AGO2: variants seen among roughly 807,000 people sequenced by gnomAD.
AGO2 encodes protein argonaute-2.
In AGO2, 5 loss-of-function variants were observed where a neutral mutation model predicts 102.3. That is an observed-to-expected ratio of 0.05 (90% CI 0.03 to 0.10). The LOEUF (loss-of-function observed/expected upper bound fraction) is 0.10, where lower values mean the gene tolerates loss of function less well. Among genes scored for constraint, AGO2 ranks in the 10% least tolerant of loss-of-function variants. AGO2 has a pLI of 1.00. For missense variants in AGO2, 541 were observed against 1,183.7 expected (o/e 0.46, Z 7.97); for synonymous variants, 449 against 473.1 (o/e 0.95, Z 0.66).
At chr8:140,555,079 T>A (rs572529585) in intron 10 of AGO2, among the ~76,000 whole-genome samples, 1 of 152,278 alleles carries the variant, frequency 6.6e-6, no homozygotes, top group South Asian at 2.1e-4. Context: ...TAAAATTCCA[T>A]TAGGTAGAAA....
intron 14 of AGO2, 113 bp downstream of exon 14, chr8:140,544,100 A>T: frequency 8.5e-7 from 1 of 1,171,870 alleles, no homozygotes; most frequent in Non-Finnish European, 1.2e-6. Context: ...ACCGCAGCTT[A>T]GTGAGACCCC....
intron 1 of AGO2, among the ~76,000 whole-genome samples, chr8:140,613,978 C>T (rs761578097): frequency 1.1e-4 from 15 of 141,058 alleles, no homozygotes; most frequent in East Asian, 2.0e-4. Context: ...TCATCCCCAA[C>T]GCACTCCAGC....
rs1241055757 is a variant in AGO2 at position 140,540,675 on chromosome 8, G to C, written c.2034+489C>G. On this transcript the variant is annotated intron_variant, in intron 15 of 18. Coordinates refer to ENST00000220592, the MANE Select transcript of AGO2 (RefSeq NM_012154.5). This position sits in a 1 kb window ranked among gnomAD's most constrained non-coding sequence, Gnocchi z 5.0. ...GTGGCCGTCCCTCTCTCTACATCCA[G>C]ACAGTGGCCGCGTCCTGGCGACCCT... Among the ~76,000 whole-genome samples the C allele has an allele frequency of 6.6e-6, 1 of 152,164 alleles. No individual in the cohort carries two copies. The highest frequency in any genetic ancestry group is 1.5e-5 in the Non-Finnish European group (1 of 68,032).
At chr8:140,617,098 G>C (rs938593508) in intron 1 of AGO2, among the ~76,000 whole-genome samples, 2 of 152,134 alleles carry the variant, frequency 1.3e-5, no homozygotes, top group African/African-American at 4.8e-5. Context: ...CACACACCTT[G>C]TCAGACCCTG....
At chr8:140,583,930 C>T (rs974801774) in intron 2 of AGO2, among the ~76,000 whole-genome samples, 5 of 151,944 alleles carry the variant, frequency 3.3e-5, no homozygotes, top group African/African-American at 4.8e-5. Flanking sequence ...TACTACGTTA[C>T]GTGGGCTATG....
At chr8:140,595,903 T>TAAC (rs1564107028) in intron 1 of AGO2, among the ~76,000 whole-genome samples, 2 of 120,656 alleles carry the variant, frequency 1.7e-5, no homozygotes, top group African/African-American at 6.6e-5. Context: ...ATATATTATG[T>TAAC]ATTATATAAT....
intron 2 of AGO2, among the ~76,000 whole-genome samples, chr8:140,574,267 GTTTTA>G (rs200440026): frequency 0.036 from 5,478 of 151,986 alleles, 193 homozygotes; most frequent in African/African-American, 0.091. Context: ...TCAGGTGCTT[GTTTTA>G]TTTTATTTTA....
At chr8:140,631,133 C>G (rs764620955) in intron 1 of AGO2, among the ~76,000 whole-genome samples, 3 of 152,018 alleles carry the variant, frequency 2.0e-5, no homozygotes, top group African/African-American at 4.8e-5. Flanking sequence ...AACAGCCCCC[C>G]TCAACAAAAC....
intron 1 of AGO2, among the ~76,000 whole-genome samples, chr8:140,590,150 C>T (rs543922685): frequency 1.3e-5 from 2 of 152,350 alleles, no homozygotes; most frequent in East Asian, 3.9e-4. Flanking sequence ...CCCACGTTCA[C>T]AGAGACGCGT....
At chr8:140,613,548 C>CGTCT (rs1564117022) in intron 1 of AGO2, among the ~76,000 whole-genome samples, 1 of 152,122 alleles carries the variant, frequency 6.6e-6, no homozygotes, top group African/African-American at 2.4e-5. Context: ...GAAGAGCTGC[C>CGTCT]GTCTGAATGT....
rs1473469942 is a variant in AGO2 at position 140,540,206 on chromosome 8, T to C, written c.2035-752A>G. On this transcript the variant is annotated intron_variant, in intron 15 of 18. Coordinates refer to ENST00000220592, the MANE Select transcript of AGO2 (RefSeq NM_012154.5). The surrounding 1 kb of genome is among the most constrained non-coding windows in gnomAD (Gnocchi z 5.0). ...TCCATTCTGTCCTCCCAGGAGGCCATGGGTCTCGGGAACGAGCTCTGCTTC... is the reference window on the plus strand; with the variant it reads ...TCCATTCTGTCCTCCCAGGAGGCCACGGGTCTCGGGAACGAGCTCTGCTTC... 6.6e-6 allele frequency among the ~76,000 whole-genome samples: 1 copy of C among 152,120 alleles called. No homozygotes were observed. The highest frequency in any genetic ancestry group is 1.5e-5 in the Non-Finnish European group (1 of 68,014).
At chr8:140,560,619 G>A (rs111412571) in intron 4 of AGO2, 109 bp from the exon 5 acceptor site, 27 of 1,324,212 alleles carry the variant, frequency 2.0e-5, no homozygotes, top group African/African-American at 1.5e-4. Flanking sequence ...TCAGAGTTCC[G>A]TTTCCCCTCC....
chr8:140,558,429 G>T (rs1056947223), intron 7 of AGO2, 56 bp downstream of exon 7: 1 of 1,551,676 alleles, frequency 6.4e-7, no homozygotes, highest in Admixed American at 1.7e-5. Context: ...GAGTGTGCCC[G>T]TCGGAGTGAC....
chr8:140,537,751 G>A (rs1226463942), intron 16 of AGO2, among the ~76,000 whole-genome samples: 1 of 151,974 alleles, frequency 6.6e-6, no homozygotes, highest in African/African-American at 2.4e-5. Context: ...ACATAATTTG[G>A]TGTTAGGTAC....
intron 8 of AGO2, among the ~76,000 whole-genome samples, chr8:140,556,636 CTACCTGTG>C (rs1160924273): frequency 6.6e-6 from 1 of 152,170 alleles, no homozygotes; most frequent in African/African-American, 2.4e-5. Context: ...CGAAAGACGT[CTACCTGTG>C]GGACGAGGTG....
intron 1 of AGO2, among the ~76,000 whole-genome samples, chr8:140,632,528 G>C (rs956662068): frequency 9.2e-5 from 14 of 152,230 alleles, no homozygotes; most frequent in Non-Finnish European, 2.1e-4. Context: ...GTTACTTTGT[G>C]GCAAATCTGC....
rs1227019892 is a variant in AGO2 at position 140,623,774 on chromosome 8, C to G, written c.22+11711G>C. ...CCATCCCAAACACAGCCCTGGGAGG[C>G]CACTTGCCACCGAGCCACAAACCAC... On this transcript the variant is annotated intron_variant, in intron 1 of 18. Transcript: ENST00000220592. 6.6e-5 allele frequency among the ~76,000 whole-genome samples: 10 copies of G among 152,214 alleles called. 1 individual carries two copies. Among genetic ancestry groups the G allele is most frequent in the African/African-American group, 2.4e-4 (10 of 41,534 alleles).
At chr8:140,552,015 T>C (rs2132914166) in intron 10 of AGO2, among the ~76,000 whole-genome samples, 1 of 152,220 alleles carries the variant, frequency 6.6e-6, no homozygotes, top group African/African-American at 2.4e-5. Flanking sequence ...AGATGGGAGC[T>C]AAGCCAGGAG....
Position 140,539,362 on chromosome 8 carries a change from C to T in AGO2, c.2127G>A (p.Lys709=). ...QPGITFIVVQ[K]RHHTRLFCTD... ...TGCAGAAGAGCCGGGTGTGGTGCCT[C>T]TTCTGCACCACGATGAAGGTGATCC... is the stretch of plus-strand genomic sequence containing the variant. The change falls in exon 16 of 19, where the codon AAG becomes AAA. Residue 709 remains lysine, a synonymous_variant. Transcript: ENST00000220592. This position sits in a 1 kb window ranked among gnomAD's most constrained non-coding sequence, Gnocchi z 4.7. 1.2e-6 allele frequency: 2 copies of T among 1,614,044 alleles called. No individual in the cohort carries two copies. Among genetic ancestry groups the T allele is most frequent in the Non-Finnish European group, 1.7e-6 (2 of 1,179,930 alleles).
Sources: gnomAD v4.1 joint callset for allele counts (sites outside exome capture counted in the v4.1 genomes callset) on GRCh38, gnomAD v4.1.1 for gene constraint, Gnocchi (gnomAD v3.1) non-coding constraint, MANE v1.5 for transcripts, NCBI Gene and HGNC (gene_info 2026-07-23, HGNC 2026-07-21) for gene names.